MAD1L1: variants seen among roughly 807,000 people sequenced by gnomAD.
The protein encoded by MAD1L1 is mitotic arrest deficient 1 like 1, also known as mitotic spindle assembly checkpoint protein MAD1.
A neutral mutation model predicts 96.9 loss-of-function variants in MAD1L1; 95 were observed. The ratio of observed to expected loss-of-function variants is 0.98; its 90% CI spans 0.83 to 1.16. The LOEUF (loss-of-function observed/expected upper bound fraction) is 1.16. MAD1L1 is among the 50% of genes most tolerant of loss of function. The pLI is 0.00. For missense variants in MAD1L1, 1,007 were observed against 954.4 expected (o/e 1.06, Z -0.73); for synonymous variants, 473 against 396.6 (o/e 1.19, Z -2.29).
chr7:2,069,050 G>A lies in MAD1L1; in HGVS notation c.1218+144C>T, dbSNP rs1308206735. 7 of 1,104,932 alleles carry A rather than the reference G, an allele frequency of 6.3e-6. No individual in the cohort carries two copies. In the Middle Eastern group the frequency reaches 1.0e-3, roughly 159 times the overall value. 68.4% of individuals were successfully genotyped at this position (1,104,932 alleles called of 1,614,324 possible). ...GGCTGAGCACTCTCTGGCATTCCCA[G>A]AACCCTCCTGGCAACCCAGGGCCAA... On this transcript the variant is annotated intron_variant, in intron 12 of 18. Coordinates refer to ENST00000265854, the MANE Select transcript of MAD1L1 (RefSeq NM_001013836.2).
chr7:2,105,878 G>A (rs887338454), intron 11 of MAD1L1, among the ~76,000 whole-genome samples: 2 of 151,902 alleles, frequency 1.3e-5, no homozygotes, highest in African/African-American at 2.4e-5. Flanking sequence ...GGCCCCCATC[G>A]TCACAGATGC....
In MAD1L1 at chr7:1,923,147, T is replaced by C. The variant is rs1005364143; in HGVS notation, c.1807+13540A>G. On this transcript the variant is annotated intron_variant, in intron 17 of 18. Coordinates refer to ENST00000265854, the MANE Select transcript of MAD1L1 (RefSeq NM_001013836.2). Reference sequence around the variant, plus strand: ...AGAAAACCATCTGGGCCTGGAGATATCCTTTTTTGGAAGCTTTTTGATTGT... The same window carrying C: ...AGAAAACCATCTGGGCCTGGAGATACCCTTTTTTGGAAGCTTTTTGATTGT... Among the ~76,000 whole-genome samples the C allele has an allele frequency of 3.0e-4, 46 of 152,352 alleles. 1 individual carries two copies. The highest frequency in any genetic ancestry group is 1.1e-3 in the African/African-American group (44 of 41,576).
chr7:2,124,337 T>TGTGGAACTACCACGGGGC (rs1311893305), intron 11 of MAD1L1, among the ~76,000 whole-genome samples: 4 of 151,530 alleles, frequency 2.6e-5, no homozygotes, highest in East Asian at 1.9e-4. Context: ...GACACGGGGG[T>TGTGGAACTACCACGGGGC]GTGGAACTAC....
In MAD1L1 at chr7:1,816,109, C is replaced by A. The variant is rs201810487; in HGVS notation, c.2118G>T (p.Ser706=). 35 of 1,612,432 alleles carry A rather than the reference C, an allele frequency of 2.2e-5. No homozygotes were observed. In the South Asian group the frequency reaches 3.8e-4, roughly 18 times the overall value. Residue 706 remains serine, a synonymous_variant, in exon 19 of 19, where the codon TCG becomes TCT. Coordinates refer to ENST00000265854, the MANE Select transcript of MAD1L1 (RefSeq NM_001013836.2). ...GGCGGCTGAAGAGCTCGAGGGTGAG[C>A]GAGCTGAGGAAGGCAGGGATGCTGT... is the stretch of plus-strand genomic sequence containing the variant. ...RQDSIPAFLS[S]LTLELFSRQT... is the part of the protein sequence containing the mutation.
At chr7:1,910,422 C>T (rs759154827) in intron 17 of MAD1L1, among the ~76,000 whole-genome samples, 4 of 152,226 alleles carry the variant, frequency 2.6e-5, no homozygotes, top group African/African-American at 4.8e-5. Context: ...AGCAGCCGTC[C>T]GACGCGTCAG....
chr7:2,214,840 AG>A (rs1360722139), intron 9 of MAD1L1, among the ~76,000 whole-genome samples: 2 of 152,228 alleles, frequency 1.3e-5, no homozygotes, highest in African/African-American at 4.8e-5. Context: ...GGGCCCTGCC[AG>A]CCCTGATCCT....
At chr7:1,932,525 C>T (rs1320905119) in intron 17 of MAD1L1, among the ~76,000 whole-genome samples, 1 of 152,258 alleles carries the variant, frequency 6.6e-6, no homozygotes, top group Non-Finnish European at 1.5e-5. Context: ...TCCCGAGATG[C>T]AGGTCACTCT....
At chr7:2,063,751 G>C (rs980141652) in intron 12 of MAD1L1, among the ~76,000 whole-genome samples, 1 of 152,224 alleles carries the variant, frequency 6.6e-6, no homozygotes, top group Non-Finnish European at 1.5e-5. Context: ...CACCACACCC[G>C]CCTTTGTCAT....
intron 17 of MAD1L1, among the ~76,000 whole-genome samples, chr7:1,932,462 A>C (rs1789536827): frequency 6.6e-6 from 1 of 152,260 alleles, no homozygotes; most frequent in South Asian, 2.1e-4. Context: ...TGAACCCTGC[A>C]GATGCCCGTA....
At chr7:1,819,455 C>G (rs1159677969) in intron 18 of MAD1L1, among the ~76,000 whole-genome samples, 1 of 152,160 alleles carries the variant, frequency 6.6e-6, no homozygotes, top group Non-Finnish European at 1.5e-5. Flanking sequence ...CAGACCCTCG[C>G]TGGCCTGGCC....
rs914028793 is a variant in MAD1L1, at chr7:2,119,344, C to G, written c.1073+29808G>C. On this transcript the variant is annotated intron_variant, in intron 11 of 18. Coordinates refer to ENST00000265854, the MANE Select transcript of MAD1L1 (RefSeq NM_001013836.2). This position sits in a 1 kb window ranked among gnomAD's most constrained non-coding sequence, Gnocchi z 4.6. ...CGCCTTCCCTATCGCATCTCCATCACCCACCCTTTCTGACAGTGGCCCACA... is the reference window on the plus strand; with the variant it reads ...CGCCTTCCCTATCGCATCTCCATCAGCCACCCTTTCTGACAGTGGCCCACA... 6.6e-6 allele frequency among the ~76,000 whole-genome samples: 1 copy of G among 152,212 alleles called. No homozygotes were observed. Among genetic ancestry groups the G allele is most frequent in the Non-Finnish European group, 1.5e-5 (1 of 68,044 alleles).
chr7:1,952,213 C>T (rs941935491), intron 16 of MAD1L1, among the ~76,000 whole-genome samples: 5 of 152,240 alleles, frequency 3.3e-5, no homozygotes, highest in African/African-American at 7.2e-5. Flanking sequence ...CACACAGCAT[C>T]GGCTGCCGGG....
At chr7:1,990,468 C>T (rs1462271605) in intron 14 of MAD1L1, among the ~76,000 whole-genome samples, 1 of 152,236 alleles carries the variant, frequency 6.6e-6, no homozygotes, top group African/African-American at 2.4e-5. Context: ...GAGACACAGG[C>T]GCTGTGGGCC....
At position 1,852,138 on chromosome 7, in the gene MAD1L1, G is replaced by A. The variant is rs553423011; in HGVS notation, c.1999-35910C>T. On this transcript the variant is annotated intron_variant, in intron 18 of 18. Coordinates refer to ENST00000265854, the MANE Select transcript of MAD1L1 (RefSeq NM_001013836.2). ...CCAGACTTGGGGCAGAGCGGGTCGG[G>A]GAGAAGCCCCAGGGAAGAAAGTGCT... Among the ~76,000 whole-genome samples, 17 of 152,384 alleles carry A rather than the reference G, an allele frequency of 1.1e-4. No homozygotes were observed. In the East Asian group the frequency reaches 3.1e-3, roughly 28 times the overall value.
chr7:2,129,424 C>T (rs972002188), intron 11 of MAD1L1, among the ~76,000 whole-genome samples: 3 of 152,342 alleles, frequency 2.0e-5, no homozygotes, highest in African/African-American at 7.2e-5. Context: ...AGGCTCACGG[C>T]GGCTCCTGTC....
At chr7:1,911,438 C>A (rs1306390630) in intron 17 of MAD1L1, among the ~76,000 whole-genome samples, 2 of 152,230 alleles carry the variant, frequency 1.3e-5, no homozygotes, top group African/African-American at 2.4e-5. Context: ...CGCCATTGCC[C>A]AGCACAGTCA....
At chr7:2,150,371 C>G (rs1036333907) in intron 10 of MAD1L1, among the ~76,000 whole-genome samples, 3 of 152,184 alleles carry the variant, frequency 2.0e-5, no homozygotes, top group Non-Finnish European at 4.4e-5. Flanking sequence ...CTGCAAACCT[C>G]ACGCACTGGG....
chr7:2,059,467 G>A (rs6948081), intron 12 of MAD1L1, among the ~76,000 whole-genome samples: 10,352 of 147,790 alleles, frequency 0.07, 1,165 homozygotes, highest in African/African-American at 0.24. Flanking sequence ...GAAGAGGCGT[G>A]GGGCTGGAGA....
intron 11 of MAD1L1, among the ~76,000 whole-genome samples, chr7:2,069,998 A>G (rs933688286): frequency 8.7e-5 from 13 of 148,996 alleles, no homozygotes; most frequent in African/African-American, 2.9e-4. Flanking sequence ...TAGCCTCCCA[A>G]CGGCTCTCAC....
Sources: allele counts gnomAD v4.1 joint callset (sites outside exome capture counted in the v4.1 genomes callset), GRCh38; gene constraint gnomAD v4.1.1; non-coding constraint Gnocchi (gnomAD v3.1); transcripts MANE v1.5; gene names NCBI Gene and HGNC (gene_info 2026-07-23, HGNC 2026-07-21).